The following SNAP47 variants were observed in gnomAD, a reference collection of about 807,000 sequenced individuals.
SNAP47 encodes synaptosomal-associated protein 47.
A neutral mutation model predicts 31.4 loss-of-function variants in SNAP47; 20 were observed. The ratio of observed to expected loss-of-function variants is 0.64; its 90% CI spans 0.45 to 0.93. The LOEUF (loss-of-function observed/expected upper bound fraction) is 0.93, where lower values mean the gene tolerates loss of function less well. SNAP47 is among the 40% of genes least tolerant of loss of function. SNAP47 has a pLI of 0.00. For missense variants in SNAP47, 492 were observed against 528.5 expected (o/e 0.93, Z 0.68); for synonymous variants, 194 against 213.4 (o/e 0.91, Z 0.79).
chr1:227,735,184 T>C (rs1164935022), upstream of SNAP47: 2 of 1,580,838 alleles, frequency 1.3e-6, no homozygotes, highest in South Asian at 2.3e-5. Flanking sequence ...AGACGAAGGC[T>C]ACCCGGCCCG....
chr1:227,770,868 CG>C, intron 4 of SNAP47: 1 of 152,412 alleles, frequency 6.6e-6, no homozygotes, highest in Non-Finnish European at 1.5e-5. Flanking sequence ...CTGCAGTCCC[CG>C]GGGGCTGGAG....
chr1:227,748,310 C>T (rs764281315), intron 2 of SNAP47, 77 bp downstream of exon 2: 2 of 1,408,778 alleles, frequency 1.4e-6, no homozygotes, highest in Non-Finnish European at 1.9e-6. Context: ...GGCACTGTTC[C>T]AGGCCACTGC....
intron 2 of SNAP47, among the ~76,000 whole-genome samples, chr1:227,749,971 G>A (rs928980325): frequency 3.9e-5 from 6 of 152,238 alleles, no homozygotes; most frequent in Non-Finnish European, 7.3e-5. Flanking sequence ...CTTCCTCCTA[G>A]CACCCACAGC....
At chr1:227,760,940 G>A (rs987949424) in intron 3 of SNAP47, among the ~76,000 whole-genome samples, 9 of 152,084 alleles carry the variant, frequency 5.9e-5, no homozygotes, top group Admixed American at 1.3e-4. Flanking sequence ...GTTTGTCTTC[G>A]AGCTCTGATT....
rs765313872 is a variant in SNAP47 at position 227,766,980 on chromosome 1, C to T, written c.1010C>T (p.Thr337Ile). The change falls in exon 4 of 5, where the codon ACC (threonine) becomes ATC (isoleucine). Residue 337 changes from threonine (T) to isoleucine (I), a missense_variant. Physicochemically the swap from Thr to Ile is moderately conservative, Grantham distance 89. Coordinates refer to ENST00000617596, the MANE Select transcript of SNAP47 (RefSeq NM_053052.4). ...WHAASGLMGR[T>I]LHREPPAGDQ... ...GCAGCATCTGGGCTGATGGGCCGTACCCTGCACCGTGAGCCACCCGCAGGA... is the reference window on the plus strand; with the variant it reads ...GCAGCATCTGGGCTGATGGGCCGTATCCTGCACCGTGAGCCACCCGCAGGA... 2 of 1,613,938 alleles carry T rather than the reference C, an allele frequency of 1.2e-6. No homozygotes were observed. The highest frequency in any genetic ancestry group is 1.7e-6 in the Non-Finnish European group (2 of 1,180,042).
At chr1:227,734,410 G>A, upstream of SNAP47, 1 of 388,838 alleles carries the variant, frequency 2.6e-6, no homozygotes, top group Non-Finnish European at 4.5e-6. Flanking sequence ...TGTAATCCCA[G>A]GTACTAGGGA....
chr1:227,745,417 C>T (rs971064149), intron 1 of SNAP47, among the ~76,000 whole-genome samples: 14 of 152,276 alleles, frequency 9.2e-5, no homozygotes, highest in Middle Eastern at 3.4e-3. Context: ...TTGATGTCCC[C>T]GAATAGAAAC....
chr1:227,766,972 G>A lies in SNAP47; in HGVS notation c.1002G>A (p.Met334Ile). Residue 334 changes from methionine (M) to isoleucine (I), a missense_variant, in exon 4 of 5, where the codon ATG becomes ATA. Physicochemically the swap from Met to Ile is conservative, Grantham distance 10. Transcript: ENST00000617596. Reference protein sequence around the residue: ...CSVWHAASGLMGRTLHREPPA... With the variant: ...CSVWHAASGLIGRTLHREPPA... ...CTCTCCTTGCAGCATCTGGGCTGAT[G>A]GGCCGTACCCTGCACCGTGAGCCAC... 1 of 1,613,882 alleles carries A rather than the reference G, an allele frequency of 6.2e-7. No homozygotes were observed. Among genetic ancestry groups the A allele is most frequent in the Non-Finnish European group, 8.5e-7 (1 of 1,180,032 alleles).
At chr1:227,731,500 T>C (rs1660646003), upstream of SNAP47, 1 of 152,078 alleles carries the variant, frequency 6.6e-6, no homozygotes, top group Non-Finnish European at 1.5e-5. Flanking sequence ...AGTGCCAGTC[T>C]CCACAAACTG....
At chr1:227,769,148 T>C (rs745407998) in intron 4 of SNAP47, among the ~76,000 whole-genome samples, 9 of 152,198 alleles carry the variant, frequency 5.9e-5, no homozygotes, top group Non-Finnish European at 1.3e-4. Context: ...CCATCCAGGC[T>C]GTGTCTCCCC....
intron 1 of SNAP47, among the ~76,000 whole-genome samples, chr1:227,737,704 C>T (rs1243508402): frequency 2.0e-5 from 3 of 152,154 alleles, no homozygotes; most frequent in East Asian, 3.9e-4. Flanking sequence ...GAGGGAGGAC[C>T]AAGGTCTGAG....
At position 227,762,759 on chromosome 1, in the gene SNAP47, A is replaced by G. The variant is rs1004298417; in HGVS notation, c.988+3274A>G. Among the ~76,000 whole-genome samples the G allele has an allele frequency of 2.6e-5, 4 of 152,140 alleles. No homozygotes were observed. Among genetic ancestry groups the G allele is most frequent in the South Asian group, 2.1e-4 (1 of 4,828 alleles). ...GTTGAGGAGCACCCAGGACCGCACA[A>G]TCACCCTCCTCACATGTCTCTGGGC... is the stretch of plus-strand genomic sequence containing the variant. On this transcript the variant is annotated intron_variant, in intron 3 of 4. Transcript: ENST00000617596. The surrounding 1 kb of genome is among the most constrained non-coding windows in gnomAD (Gnocchi z 4.2).
upstream of SNAP47, chr1:227,734,912 T>A (rs183182046): frequency 5.2e-4 from 795 of 1,530,616 alleles, 3 homozygotes; most frequent in Middle Eastern, 5.5e-3. Flanking sequence ...GCGCCTGGCC[T>A]CCCTCACCCT....
chr1:227,773,492 AT>A (rs1011995843), intron 4 of SNAP47, among the ~76,000 whole-genome samples: 54 of 152,298 alleles, frequency 3.5e-4, no homozygotes, highest in African/African-American at 1.3e-3. Flanking sequence ...TTTAAAATAA[AT>A]TTAGTGGAGC....
intron 4 of SNAP47, among the ~76,000 whole-genome samples, chr1:227,772,479 T>C (rs1274070605): frequency 6.6e-6 from 1 of 151,984 alleles, no homozygotes; most frequent in African/African-American, 2.4e-5. Flanking sequence ...GCCCATGCAC[T>C]GAAAACCCCT....
At chr1:227,733,391 G>T (rs370323713), upstream of SNAP47, 7 of 1,566,064 alleles carry the variant, frequency 4.5e-6, no homozygotes, top group Non-Finnish European at 6.0e-6. Context: ...CCCTGATAGG[G>T]GGCAGGAGAA....
At chr1:227,761,652 C>T (rs934498793) in intron 3 of SNAP47, among the ~76,000 whole-genome samples, 46 of 152,236 alleles carry the variant, frequency 3.0e-4, no homozygotes, top group African/African-American at 8.7e-4. Flanking sequence ...TACTCCTGCA[C>T]GTGGCTTCAG....
At chr1:227,739,482 G>C (rs946718238) in intron 1 of SNAP47, among the ~76,000 whole-genome samples, 1 of 152,216 alleles carries the variant, frequency 6.6e-6, no homozygotes, top group African/African-American at 2.4e-5. Flanking sequence ...AAGAGGGTCT[G>C]AGGAGCAGGG....
chr1:227,732,289 G>T, upstream of SNAP47: 1 of 1,368,126 alleles, frequency 7.3e-7, no homozygotes, highest in Non-Finnish European at 1.0e-6. Context: ...GCCTCGACAG[G>T]GGTGGGCCCC....
Sources: allele counts gnomAD v4.1 joint callset (sites outside exome capture counted in the v4.1 genomes callset), GRCh38; gene constraint gnomAD v4.1.1; non-coding constraint Gnocchi (gnomAD v3.1); transcripts MANE v1.5; gene names NCBI Gene and HGNC (gene_info 2026-07-23, HGNC 2026-07-21).